ABCB10: variants seen among roughly 807,000 people sequenced by gnomAD.
ABCB10 encodes ATP binding cassette subfamily B member 10, also known as ATP-binding cassette sub-family B member 10, mitochondrial.
ABCB10 carries 54 observed loss-of-function variants against 65.4 expected under a neutral mutation model. That is an observed-to-expected ratio of 0.83 (90% CI 0.66 to 1.04). The LOEUF (loss-of-function observed/expected upper bound fraction) is 1.04. Ranked by LOEUF, ABCB10 falls within the 50% of genes least tolerant of loss-of-function variation. The pLI is 0.00. For synonymous variants in ABCB10, 418 were observed against 406.5 expected, an observed-to-expected ratio of 1.03 and a Z score of -0.34; for missense variants, 846 against 976.6, an observed-to-expected ratio of 0.87 and a Z score of 1.78.
At position 229,557,193 on chromosome 1, in the gene ABCB10, C is replaced by A. The variant is rs368999403; in HGVS notation, c.517+943G>T. 7.9e-5 allele frequency among the ~76,000 whole-genome samples: 12 copies of A among 151,604 alleles called. 1 individual carries two copies. The South Asian group carries it at 2.5e-3, about 31-fold the overall frequency. On this transcript the variant is annotated intron_variant, in intron 1 of 12. Transcript: ENST00000344517. The stretch of plus-strand genomic sequence containing the variant: ...CCTTTCTAAAGCAATGGATTTGCAG[C>A]AAAGAATGCTTTTCTGGTGTTGCAC...
At chr1:229,550,692 A>T (rs1177961829) in intron 1 of ABCB10, among the ~76,000 whole-genome samples, 1 of 73,438 alleles carries the variant, frequency 1.4e-5, no homozygotes, top group Non-Finnish European at 2.4e-5. Context: ...GTCTCTACTA[A>T]AAAAAAAAAA....
chr1:229,558,251 C>G lies in ABCB10; in HGVS notation c.402G>C (p.Arg134=). ...CCCCGGGAGGCGCCGCCGGCCCGCG[C>G]CGCCAGGCCTCGTCCCCTGCCCAGG... ...AAAWAGDEAW[R]RGPAAPPGDK... is the part of the protein sequence containing the mutation. Residue 134 remains arginine (R), a synonymous_variant, in exon 1 of 13, where the codon CGG becomes CGC. Transcript: ENST00000344517. The G allele has an allele frequency of 7.5e-7, 1 of 1,328,164 alleles. No individual in the cohort carries two copies. Among genetic ancestry groups the G allele is most frequent in the Non-Finnish European group, 9.6e-7 (1 of 1,042,808 alleles). 82.3% of individuals were successfully genotyped at this position (1,328,164 alleles called of 1,614,324 possible). A position where few individuals can be genotyped will look rare whatever the true frequency, so the allele number is the denominator to read the frequency against.
chr1:229,521,968 G>C (rs1662326453), intron 10 of ABCB10, among the ~76,000 whole-genome samples: 1 of 152,024 alleles, frequency 6.6e-6, no homozygotes, highest in Non-Finnish European at 1.5e-5. Context: ...CTGGGCTCAA[G>C]TGATCCTCCC....
chr1:229,549,315 G>A lies in ABCB10; in HGVS notation c.637C>T (p.Arg213Cys), dbSNP rs371609133. Residue 213 changes from arginine to cysteine, a missense_variant, in exon 2 of 13, where the codon CGC becomes TGC. Physicochemically the swap from Arg to Cys is radical, Grantham distance 180. Transcript: ENST00000344517. ...PTVDYSDNLT[R>C]LCLGLSAVFL... is the part of the protein sequence containing the mutation. Reference sequence around the variant, plus strand: ...ACGGCACTGAGCCCTAGGCAGAGGCGGGTCAGGTTGTCGCTGTAGTCCACA... The same window carrying A: ...ACGGCACTGAGCCCTAGGCAGAGGCAGGTCAGGTTGTCGCTGTAGTCCACA... 6.4e-5 allele frequency: 104 copies of A among 1,613,978 alleles called. No individual in the cohort carries two copies. Among genetic ancestry groups the A allele is most frequent in the East Asian group, 1.1e-4 (5 of 44,892 alleles).
chr1:229,555,071 G>A (rs1663213551), intron 1 of ABCB10, among the ~76,000 whole-genome samples: 1 of 152,144 alleles, frequency 6.6e-6, no homozygotes, highest in Non-Finnish European at 1.5e-5. Context: ...ACATGCCCCA[G>A]CGGAGGGGAT....
rs759042064 is a variant in ABCB10, at chr1:229,542,361, G to A, written c.932C>T (p.Ser311Leu). ...CAAAACAAAGGTGGCCAGATTAGGT[G>A]AGACAAAAAACTGTCAAAAACAAAA... ...SVGISMMFFV[S>L]PNLATFVLSV... The change falls in exon 4 of 13, where the codon TCA becomes TTA. Residue 311 changes from serine to leucine, a missense_variant. Around this residue, in one of 2 missense-constraint regions of ABCB10, gnomAD observed 632 missense variants for 803.2 expected, o/e 0.79. Transcript: ENST00000344517. The A allele has an allele frequency of 1.2e-6, 2 of 1,611,444 alleles. No individual in the cohort carries two copies. The highest frequency in any genetic ancestry group is 1.1e-5 in the South Asian group (1 of 90,360).
At chr1:229,542,745 G>A (rs1048029166) in intron 3 of ABCB10, among the ~76,000 whole-genome samples, 6 of 151,812 alleles carry the variant, frequency 4.0e-5, no homozygotes, top group Admixed American at 2.0e-4. Flanking sequence ...CACCTCAGGA[G>A]TTGTATATTC....
chr1:229,550,644 G>A (rs1571978546), intron 1 of ABCB10, among the ~76,000 whole-genome samples: 3 of 151,332 alleles, frequency 2.0e-5, no homozygotes, highest in South Asian at 2.1e-4. Context: ...CTTCAGCTCA[G>A]GAGTTCAAGA....
At position 229,558,606 on chromosome 1, in the gene ABCB10, C is replaced by A; in HGVS notation, c.47G>T (p.Ser16Ile). Residue 16 changes from serine to isoleucine, a missense_variant, in exon 1 of 13, where the codon AGC becomes ATC. By Grantham distance (142) the Ser-to-Ile change is moderately radical (BLOSUM62 -2). This residue lies in a region of ABCB10 where 214 missense variants were observed against 173.5 expected (regional missense o/e 1.23). Transcript: ENST00000344517. ...CAGGAGCCGACCTGGCTCGGCAGGG[C>A]TCGGTGGCTCGAGCAGCCGCAGCGG... ...AWPLRLLEPPSPAEPGRLLPV... is the reference protein window; with the variant it reads ...AWPLRLLEPPIPAEPGRLLPV... 7.0e-7 allele frequency: 1 copy of A among 1,428,702 alleles called. No homozygotes were observed. Among genetic ancestry groups the A allele is most frequent in the South Asian group, 1.3e-5 (1 of 74,302 alleles). The allele number at this position is 1,428,702 out of a possible 1,614,324, so 88.5% of individuals were successfully genotyped here.
chr1:229,522,615 G>A (rs574094841), intron 10 of ABCB10, among the ~76,000 whole-genome samples: 4 of 152,252 alleles, frequency 2.6e-5, no homozygotes, highest in African/African-American at 9.6e-5. Flanking sequence ...TAGTTGGTAA[G>A]TAGTGGAACT....
chr1:229,537,769 G>A (rs975256389), intron 6 of ABCB10, among the ~76,000 whole-genome samples: 4 of 152,160 alleles, frequency 2.6e-5, no homozygotes, highest in Non-Finnish European at 4.4e-5. Context: ...CAGCTTGGGC[G>A]ACAGAGCAAG....
intron 1 of ABCB10, among the ~76,000 whole-genome samples, chr1:229,552,005 A>G (rs566960136): frequency 6.7e-6 from 1 of 149,912 alleles, no homozygotes; most frequent in African/African-American, 2.5e-5. Flanking sequence ...ACATGAATGA[A>G]ATGCCCCCTA....
Position 229,529,733 on chromosome 1 carries a change from T to C in ABCB10, c.1645+466A>G, listed in dbSNP as rs182829482. The stretch of plus-strand genomic sequence containing the variant: ...ATGGCCAAGTTAACTGTGTGCACAA[T>C]AAGCATTCAATGGCTCACAGGCAGA... On this transcript the variant is annotated intron_variant, in intron 8 of 12. Coordinates refer to ENST00000344517, the MANE Select transcript of ABCB10 (RefSeq NM_012089.3). Among the ~76,000 whole-genome samples the C allele has an allele frequency of 3.3e-5, 4 of 120,660 alleles. No homozygotes were observed. The East Asian group carries it at 8.4e-4, about 25-fold the overall frequency. The allele number at this position is 120,660 out of a possible 152,430, so 79.2% of individuals were successfully genotyped here. A position where few individuals can be genotyped will look rare whatever the true frequency, so the allele number is the denominator to read the frequency against.
chr1:229,516,900 T>C lies in ABCB10; in HGVS notation c.*1279A>G, dbSNP rs979934849. 6.6e-6 allele frequency: 1 copy of C among 152,216 alleles called. No homozygotes were observed. Among genetic ancestry groups the C allele is most frequent in the African/African-American group, 2.4e-5 (1 of 41,464 alleles). The allele number at this position is 152,216 out of a possible 1,614,324, so 9.4% of individuals were successfully genotyped here. A position where few individuals can be genotyped will look rare whatever the true frequency, so the allele number is the denominator to read the frequency against. The stretch of plus-strand genomic sequence containing the variant: ...ACAATAAAATATAATATTCCATGCT[T>C]TTCATGAAATAGTGGTTTCTTCTTC... On this transcript the variant is annotated 3_prime_UTR_variant, in exon 13 of 13. Coordinates refer to ENST00000344517, the MANE Select transcript of ABCB10 (RefSeq NM_012089.3).
intron 6 of ABCB10, chr1:229,535,038 T>TAAAAAAAAAAAAAA (rs71173739): frequency 8.4e-5 from 4 of 47,498 alleles, no homozygotes; most frequent in African/African-American, 7.6e-5. Context: ...AGACTCCCTT[T>TAAAAAAAAAAAAAA]AAAAAAAAAA....
intron 9 of ABCB10, among the ~76,000 whole-genome samples, chr1:229,526,597 C>T (rs4148761): frequency 0.19 from 28,766 of 152,156 alleles, 2,932 homozygotes; most frequent in Middle Eastern, 0.27. Context: ...ATCCACCTGC[C>T]CTCACCCAAG....
Position 229,527,325 on chromosome 1 carries a change from GAA to G in ABCB10, c.1646-19_1646-18del. ...TAATAGTTCCTTGTTGAGAGGAAAG[GAA>G]AGGAAAGAGTCACTGAGTGTGATGA... On this transcript the variant is annotated intron_variant, in intron 8 of 12. Transcript: ENST00000344517. 1.2e-6 allele frequency: 2 copies of G among 1,607,834 alleles called. No homozygotes were observed. The highest frequency in any genetic ancestry group is 1.7e-6 in the Non-Finnish European group (2 of 1,175,176).
chr1:229,539,512 A>C lies in ABCB10; in HGVS notation c.1283T>G (p.Val428Gly). ...CATTAGGAAGGAAGAGAGTTCACCC[A>C]CGGTCATGTGGGCACTGCCCATCAG... ...GLLMGSAHMTVGELSSFLMYA... is the reference protein window; with the variant it reads ...GLLMGSAHMTGGELSSFLMYA... The change falls in exon 6 of 13, where the codon GTG becomes GGG. Residue 428 changes from valine (V) to glycine (G), a missense_variant. Coordinates refer to ENST00000344517, the MANE Select transcript of ABCB10 (RefSeq NM_012089.3). The C allele has an allele frequency of 1.2e-6, 2 of 1,614,050 alleles. No individual in the cohort carries two copies. Among genetic ancestry groups the C allele is most frequent in the Admixed American group, 1.7e-5 (1 of 60,012 alleles).
chr1:229,539,321 G>A (rs1159849348), intron 6 of ABCB10, 135 bp downstream of exon 6: 6 of 1,333,522 alleles, frequency 4.5e-6, no homozygotes, highest in South Asian at 1.3e-5. Context: ...TAAAAGCCCA[G>A]TTGGAATAAT....
Sources: gnomAD v4.1 joint callset for allele counts (sites outside exome capture counted in the v4.1 genomes callset) on GRCh38, gnomAD v4.1.1 for gene constraint, gnomAD v4.1.1 regional missense constraint, MANE v1.5 for transcripts, NCBI Gene and HGNC (gene_info 2026-07-23, HGNC 2026-07-21) for gene names.